MIA2: variants seen among roughly 807,000 people sequenced by gnomAD.
MIA2 encodes MIA SH3 domain ER export factor 2.
In MIA2, 127 loss-of-function variants were observed where a neutral mutation model predicts 167.8. The observed-to-expected ratio is 0.76, with a 90% CI of 0.66 to 0.88. The LOEUF (loss-of-function observed/expected upper bound fraction) is 0.88, where lower values mean the gene tolerates loss of function less well. Ranked by LOEUF, MIA2 falls within the 40% of genes least tolerant of loss-of-function variation. The probability of loss-of-function intolerance (pLI) is 0.00; values close to 1 mark genes in which losing one functional copy is unlikely to be tolerated. For missense variants in MIA2, 1,690 were observed against 1,624.7 expected, an observed-to-expected ratio of 1.04 and a Z score of -0.69; for synonymous variants, 552 against 541.9, an observed-to-expected ratio of 1.02 and a Z score of -0.26.
At chr14:39,277,758 A>T (rs1249495338) in intron 7 of MIA2, among the ~76,000 whole-genome samples, 5 of 23,588 alleles carry the variant, frequency 2.1e-4, no homozygotes, top group Admixed American at 6.9e-4. Flanking sequence ...GTATATATAT[A>T]TATATATATA....
rs1047918486 is a variant in MIA2, at chr14:39,291,213, A to G, written c.2208+117A>G. The G allele has an allele frequency of 5.1e-6, 4 of 778,132 alleles. No individual in the cohort carries two copies. In the African/African-American group the frequency reaches 7.2e-5, roughly 14 times the overall value. 48.2% of individuals were successfully genotyped at this position (778,132 alleles called of 1,614,324 possible). A position where few individuals can be genotyped will look rare whatever the true frequency, so the allele number is the denominator to read the frequency against. On this transcript the variant is annotated intron_variant, in intron 10 of 28. Transcript: ENST00000640607. ...AAAAAATGTGAAAGAGCATCTCTGG[A>G]TGTTAAAACTTAAATAAGAAAATTA... is the stretch of plus-strand genomic sequence containing the variant.
chr14:39,357,158 A>C (rs1567046749), intron 23 of MIA2, among the ~76,000 whole-genome samples: 1 of 152,150 alleles, frequency 6.6e-6, no homozygotes, highest in African/African-American at 2.4e-5. Flanking sequence ...GGGGTGTTAA[A>C]GTCTCCCGTT....
At chr14:39,316,523 A>T (rs987901939) in intron 21 of MIA2, among the ~76,000 whole-genome samples, 1 of 152,198 alleles carries the variant, frequency 6.6e-6, no homozygotes, top group Admixed American at 6.5e-5. Flanking sequence ...CAAATGCCTG[A>T]CACACAGTAT....
chr14:39,250,578 C>T (rs2054517862), intron 4 of MIA2, among the ~76,000 whole-genome samples: 1 of 151,918 alleles, frequency 6.6e-6, no homozygotes, highest in South Asian at 2.1e-4. Context: ...CCCCTGTAAT[C>T]CCAGCTACTT....
In MIA2 at chr14:39,318,018, A is replaced by T. The variant is rs756428188; in HGVS notation, c.3284+7A>T. On this transcript the variant is annotated splice_region_variant and intron_variant, in intron 22 of 28. Transcript: ENST00000640607. Reference sequence around the variant, plus strand: ...ATGCTCACAACAGACAAAAGTAAGTATCTTAGTGGGAACATTTAAAATTAG... The same window carrying T: ...ATGCTCACAACAGACAAAAGTAAGTTTCTTAGTGGGAACATTTAAAATTAG... The T allele has an allele frequency of 1.3e-6, 2 of 1,557,686 alleles. No individual in the cohort carries two copies. Among genetic ancestry groups the T allele is most frequent in the Non-Finnish European group, 1.7e-6 (2 of 1,151,852 alleles).
intron 23 of MIA2, among the ~76,000 whole-genome samples, chr14:39,382,194 AAAAT>A (rs2075179368): frequency 6.6e-6 from 1 of 152,246 alleles, no homozygotes; most frequent in Non-Finnish European, 1.5e-5. Context: ...GTTGTACAGC[AAAAT>A]AAACCTTAGA....
rs145265550 is a variant in MIA2 at position 39,307,777 on chromosome 14, A to G, written c.2879-672A>G. On this transcript the variant is annotated intron_variant, in intron 17 of 28. Transcript: ENST00000640607. Reference sequence around the variant, plus strand: ...TGGAGCACTATTCAGCCATCAAAAAATAATGGGATCCTGTTTTGTGGCAAC... The same window carrying G: ...TGGAGCACTATTCAGCCATCAAAAAGTAATGGGATCCTGTTTTGTGGCAAC... Among the ~76,000 whole-genome samples, 845 of 152,248 alleles carry G rather than the reference A, an allele frequency of 5.6e-3. 9 individuals carry two copies. Among genetic ancestry groups the G allele is most frequent in the African/African-American group, 0.019 (780 of 41,554 alleles).
intron 24 of MIA2, among the ~76,000 whole-genome samples, chr14:39,321,259 A>G (rs1317733224): frequency 6.6e-6 from 1 of 152,098 alleles, no homozygotes; most frequent in Admixed American, 6.5e-5. Context: ...GCTATATTAG[A>G]TAACATTTTG....
At chr14:39,323,040 T>A (rs1283188362) in intron 24 of MIA2, among the ~76,000 whole-genome samples, 3 of 152,208 alleles carry the variant, frequency 2.0e-5, no homozygotes. Context: ...TCTCAGGAAG[T>A]CTGTGTACTT....
At chr14:39,386,210 A>C in intron 23 of MIA2, 1 of 1,393,408 alleles carries the variant, frequency 7.2e-7, no homozygotes, top group South Asian at 1.2e-5. Context: ...GCCAGATTTT[A>C]TACCCAGTTT....
chr14:39,302,163 G>A lies in MIA2; in HGVS notation c.2654G>A (p.Trp885Ter). The A allele has an allele frequency of 6.2e-7, 1 of 1,613,584 alleles. No homozygotes were observed. The highest frequency in any genetic ancestry group is 8.5e-7 in the Non-Finnish European group (1 of 1,179,672). ...LTERLLKMKD[W>*]AAMLGEDITD... ...GAACGCTTGTTAAAGATGAAAGATTGGGCTGCTATGCTTGGAGAAGACATA... is the reference window on the plus strand; with the variant it reads ...GAACGCTTGTTAAAGATGAAAGATTAGGCTGCTATGCTTGGAGAAGACATA... Residue 885 changes from tryptophan to a stop codon, truncating the protein, a stop_gained, in exon 15 of 29, where the codon TGG becomes TAG. Transcript: ENST00000640607. LOFTEE classifies it high-confidence loss of function.
intron 23 of MIA2, among the ~76,000 whole-genome samples, chr14:39,378,342 A>G (rs755316564): frequency 4.6e-5 from 7 of 152,332 alleles, no homozygotes; most frequent in Admixed American, 1.3e-4. Flanking sequence ...ACTGTGCTCA[A>G]TATTGGATCA....
chr14:39,263,571 T>C (rs556090292), intron 6 of MIA2, among the ~76,000 whole-genome samples: 1 of 151,244 alleles, frequency 6.6e-6, no homozygotes, highest in African/African-American at 2.4e-5. Flanking sequence ...TCCTTTCCTT[T>C]CCTTTCCTTT....
intron 2 of MIA2, among the ~76,000 whole-genome samples, chr14:39,238,793 C>CAAAAAAAAAAGAAAAAAAAAAA (rs2053892034): frequency 3.2e-5 from 1 of 30,806 alleles, no homozygotes; most frequent in Non-Finnish European, 5.0e-5. Flanking sequence ...GACCCTGTCT[C>CAAAAAAAAAAGAAAAAAAAAAA]AAAAAAAAAA....
In MIA2 at chr14:39,345,983, A is replaced by G. The variant is rs1009572805; in HGVS notation, c.3735A>G (p.Pro1245=). ...CTAATTCTGGTAGACTGTCTGGACC[A>G]GCAGAACTCAGAAGTTTTAATATGC... ...FCSNSGRLSG[P]AELRSFNMPS... is the part of the protein sequence containing the mutation. The change falls in exon 26 of 29, where the codon CCA becomes CCG. Residue 1245 remains proline (P), a synonymous_variant. Coordinates refer to ENST00000640607, the MANE Select transcript of MIA2 (RefSeq NM_001329214.4). The G allele has an allele frequency of 6.2e-7, 1 of 1,612,274 alleles. No individual in the cohort carries two copies. Among genetic ancestry groups the G allele is most frequent in the Non-Finnish European group, 8.5e-7 (1 of 1,178,570 alleles).
At chr14:39,237,220 T>C (rs938270024) in intron 2 of MIA2, 165 bp downstream of exon 2, 4 of 771,708 alleles carry the variant, frequency 5.2e-6, no homozygotes, top group East Asian at 2.8e-5. Flanking sequence ...TTCCAACTCC[T>C]GAGCTCAAGC....
At chr14:39,260,433 T>C (rs1053947608) in intron 6 of MIA2, among the ~76,000 whole-genome samples, 2 of 152,246 alleles carry the variant, frequency 1.3e-5, no homozygotes, top group Non-Finnish European at 2.9e-5. Flanking sequence ...ATTGTGGTTT[T>C]GATTTGCATT....
intron 10 of MIA2, 47 bp from the exon 11 acceptor site, chr14:39,293,224 A>G (rs2060970042): frequency 1.6e-6 from 2 of 1,257,870 alleles, no homozygotes; most frequent in African/African-American, 3.0e-5. Flanking sequence ...GATTTCCCTA[A>G]TGAAAAATTC....
chr14:39,287,625 G>A (rs1013341481), intron 9 of MIA2, among the ~76,000 whole-genome samples: 4 of 151,608 alleles, frequency 2.6e-5, no homozygotes, highest in South Asian at 2.1e-4. Context: ...ATGCAGTGGC[G>A]TGATCTCGGC....
Sources: allele counts gnomAD v4.1 joint callset (sites outside exome capture counted in the v4.1 genomes callset), GRCh38; gene constraint gnomAD v4.1.1; transcripts MANE v1.5; gene names NCBI Gene and HGNC (gene_info 2026-07-23, HGNC 2026-07-21).